The following DMD variants were observed in gnomAD, a reference collection of about 807,000 sequenced individuals.
DMD encodes mutant dystrophin.
DMD carries 63 observed loss-of-function variants against 330.1 expected under a neutral mutation model. That is an observed-to-expected ratio of 0.19 (90% CI 0.16 to 0.24). The LOEUF (loss-of-function observed/expected upper bound fraction) is 0.24. DMD is among the 10% of genes least tolerant of loss of function. The pLI is 1.00. For synonymous variants in DMD, 1,223 were observed against 959.8 expected (o/e 1.27, Z -5.07); for missense variants, 3,344 against 2,684.1 (o/e 1.25, Z -5.43).
chrX:31,265,035 T>C (rs1441286376), intron 62 of DMD, among the ~76,000 whole-genome samples: 3 of 112,958 alleles, frequency 2.7e-5, no homozygotes, highest in African/African-American at 6.4e-5. Flanking sequence ...ACCATTGTTA[T>C]TTGGTACTGA....
At chrX:32,027,164 G>GCACACACACACACACA (rs757441503) in intron 44 of DMD, among the ~76,000 whole-genome samples, 5 of 89,517 alleles carry the variant, frequency 5.6e-5, no homozygotes, top group African/African-American at 2.2e-4. Flanking sequence ...ACACGCACGT[G>GCACACACACACACACA]CACACACACA....
At chrX:32,716,215 G>T (rs762268253) in intron 7 of DMD, among the ~76,000 whole-genome samples, 3 of 111,068 alleles carry the variant, frequency 2.7e-5, no homozygotes, top group Non-Finnish European at 5.7e-5. Flanking sequence ...ATCTCATGTT[G>T]AGTTGTGTTC....
At chrX:32,949,773 G>C (rs1354382373) in intron 2 of DMD, among the ~76,000 whole-genome samples, 1 of 111,065 alleles carries the variant, frequency 9.0e-6, no homozygotes, top group Non-Finnish European at 1.9e-5. Flanking sequence ...ATTTGTATTA[G>C]TCGCCCAAAC....
At chrX:32,708,044 T>C (rs775899306) in intron 7 of DMD, among the ~76,000 whole-genome samples, 1 of 112,018 alleles carries the variant, frequency 8.9e-6, no homozygotes, top group East Asian at 2.8e-4. Flanking sequence ...CCCCTTATCT[T>C]CCTCGCTAAC....
In DMD at chrX:32,536,264, C is replaced by CAAAAAA. The variant is rs1191335690; in HGVS notation, c.2168+8889_2168+8894dup. Among the ~76,000 whole-genome samples the CAAAAAA allele has an allele frequency of 9.9e-3, 360 of 36,312 alleles. 36 individuals are homozygous for CAAAAAA. Among genetic ancestry groups the CAAAAAA allele is most frequent in the African/African-American group, 0.039 (325 of 8,359 alleles). 31.5% of individuals were successfully genotyped at this position (36,312 alleles called of 115,157 possible). ...TGGCAACAGAGTGAGACTCCGTCTC[C>CAAAAAA]AAAAAAAAAAAAAAAAAAAAAAAAC... On this transcript the variant is annotated intron_variant, in intron 17 of 78. Coordinates refer to ENST00000357033, the MANE Select transcript of DMD (RefSeq NM_004006.3).
chrX:32,701,338 C>G (rs1296634549), intron 7 of DMD, among the ~76,000 whole-genome samples: 1 of 111,950 alleles, frequency 8.9e-6, no homozygotes, highest in African/African-American at 3.2e-5. Flanking sequence ...TATGGCTCAA[C>G]TTATTACACT....
intron 7 of DMD, among the ~76,000 whole-genome samples, chrX:32,711,328 AAACCCAGGGGCTTGGTAT>A (rs2065170584): frequency 9.0e-6 from 1 of 110,998 alleles, no homozygotes; most frequent in African/African-American, 3.3e-5. Context: ...TGATGACCAG[AAACCCAGGGGCTTGGTAT>A]AACTATCTCA....
At chrX:31,800,218 A>T (rs1603470560) in intron 50 of DMD, among the ~76,000 whole-genome samples, 1 of 112,760 alleles carries the variant, frequency 8.9e-6, no homozygotes, top group African/African-American at 3.2e-5. Context: ...GTCCCAGCAG[A>T]GAGGTTTTCC....
At chrX:33,189,322 T>C (rs1307521068) in intron 1 of DMD, among the ~76,000 whole-genome samples, 1 of 111,589 alleles carries the variant, frequency 9.0e-6, no homozygotes, top group Non-Finnish European at 1.9e-5. Flanking sequence ...GGAAACATGA[T>C]GATAAAATAA....
chrX:31,727,730 T>C (rs1326332181), intron 52 of DMD, among the ~76,000 whole-genome samples: 1 of 112,232 alleles, frequency 8.9e-6, no homozygotes, highest in Non-Finnish European at 1.9e-5. Flanking sequence ...CTAGTGTTAC[T>C]GAAATAATAC....
intron 30 of DMD, among the ~76,000 whole-genome samples, chrX:32,392,081 G>C (rs900501502): frequency 1.8e-5 from 2 of 111,309 alleles, no homozygotes; most frequent in African/African-American, 6.5e-5. Context: ...TGAGTGCTTC[G>C]AATTGTGTCA....
intron 2 of DMD, among the ~76,000 whole-genome samples, chrX:32,914,323 A>G (rs770017229): frequency 7.1e-5 from 8 of 112,123 alleles, no homozygotes; most frequent in Admixed American, 9.5e-5. Context: ...AAGTCCTAGA[A>G]ATAAAAAAAG....
chrX:32,374,235 T>A (rs2097892056), intron 34 of DMD, among the ~76,000 whole-genome samples: 1 of 111,719 alleles, frequency 9.0e-6, no homozygotes, highest in Non-Finnish European at 1.9e-5. Flanking sequence ...TTGCAAATAT[T>A]TTCTCCCATT....
At chrX:32,960,984 C>T (rs191006335) in intron 2 of DMD, among the ~76,000 whole-genome samples, 3 of 105,517 alleles carry the variant, frequency 2.8e-5, no homozygotes, top group Non-Finnish European at 5.8e-5. Context: ...AACGTATTTA[C>T]GTATTTGTTG....
chrX:33,080,933 C>CTT (rs1239064872), intron 1 of DMD, among the ~76,000 whole-genome samples: 3 of 109,995 alleles, frequency 2.7e-5, no homozygotes, highest in African/African-American at 1.0e-4. Context: ...TATTTAAGCA[C>CTT]TTATTTTCCA....
At chrX:32,832,065 C>A (rs1005243706) in intron 4 of DMD, among the ~76,000 whole-genome samples, 1 of 110,807 alleles carries the variant, frequency 9.0e-6, no homozygotes, top group African/African-American at 3.3e-5. Context: ...ATTGGTTCTC[C>A]CAGATCATTT....
intron 1 of DMD, among the ~76,000 whole-genome samples, chrX:33,135,487 C>T (rs887584133): frequency 8.0e-5 from 9 of 112,242 alleles, no homozygotes; most frequent in African/African-American, 2.9e-4. Context: ...AATTCTGGTA[C>T]ATCCTATTAA....
intron 15 of DMD, among the ~76,000 whole-genome samples, chrX:32,568,421 C>T (rs1242350313): frequency 1.8e-5 from 2 of 108,254 alleles, no homozygotes; most frequent in African/African-American, 6.8e-5. Context: ...GGCAAGGAAT[C>T]GCTGGAACCA....
intron 2 of DMD, among the ~76,000 whole-genome samples, chrX:32,977,811 G>A (rs1364733534): frequency 1.8e-5 from 2 of 111,242 alleles, no homozygotes; most frequent in East Asian, 5.6e-4. Flanking sequence ...ACTAGTAGTA[G>A]CTGATTAGTT....
Sources: gnomAD v4.1 joint callset for allele counts (sites outside exome capture counted in the v4.1 genomes callset) on GRCh38, gnomAD v4.1.1 for gene constraint, MANE v1.5 for transcripts, NCBI Gene and HGNC (gene_info 2026-07-23, HGNC 2026-07-21) for gene names.